The following PSTPIP1 variants were observed in gnomAD, a reference collection of about 807,000 sequenced individuals.
The protein encoded by PSTPIP1 is proline-serine-threonine phosphatase interacting protein 1, also known as proline-serine-threonine phosphatase-interacting protein 1.
Under a neutral mutation model 69.6 loss-of-function variants are expected in PSTPIP1, and 66 were observed. The ratio of observed to expected loss-of-function variants is 0.95; its 90% CI spans 0.78 to 1.16. PSTPIP1 has a LOEUF of 1.16. Among genes scored for constraint, PSTPIP1 ranks in the 50% most tolerant of loss-of-function variants. The probability of loss-of-function intolerance (pLI) is 0.00; values close to 1 mark genes in which losing one functional copy is unlikely to be tolerated. For missense variants in PSTPIP1, 603 were observed against 557.4 expected (o/e 1.08, Z -0.82); for synonymous variants, 266 against 222.7 (o/e 1.19, Z -1.73).
chr15:77,007,905 A>C (rs928582278), intron 1 of PSTPIP1: 1 of 455,954 alleles, frequency 2.2e-6, no homozygotes, highest in Admixed American at 2.4e-5. Flanking sequence ...GCAATAGAAC[A>C]CTTTGAGGAC....
At chr15:77,016,431 A>G (rs2076054449) in intron 1 of PSTPIP1, among the ~76,000 whole-genome samples, 1 of 152,206 alleles carries the variant, frequency 6.6e-6, no homozygotes, top group South Asian at 2.1e-4. Context: ...GCTGCCCACC[A>G]AAACCACAGA....
At chr15:77,028,516 C>T in intron 6 of PSTPIP1, 38 bp from the exon 7 acceptor site, 1 of 1,522,226 alleles carries the variant, frequency 6.6e-7, no homozygotes, top group Non-Finnish European at 8.9e-7. Context: ...CAGAACAGGG[C>T]TGTGCAGCCC....
In PSTPIP1 at chr15:77,027,729, T is replaced by C; in HGVS notation, c.355-123T>C. 1 of 1,147,148 alleles carries C rather than the reference T, an allele frequency of 8.7e-7. No homozygotes were observed. The highest frequency in any genetic ancestry group is 1.3e-6 in the Non-Finnish European group (1 of 784,918). 71.1% of individuals were successfully genotyped at this position (1,147,148 alleles called of 1,614,324 possible). A position where few individuals can be genotyped will look rare whatever the true frequency, so the allele number is the denominator to read the frequency against. On this transcript the variant is annotated intron_variant, in intron 5 of 14. Transcript: ENST00000558012. The surrounding 1 kb of genome is among the most constrained non-coding windows in gnomAD (Gnocchi z 4.3). The stretch of plus-strand genomic sequence containing the variant: ...AGGCTCTGGGGGAGGGAGGGCAGCC[T>C]GTCACCCTCTCTCCAGAGCCAGGAG...
intron 3 of PSTPIP1, among the ~76,000 whole-genome samples, chr15:77,019,805 G>C (rs138217389): frequency 6.6e-6 from 1 of 152,350 alleles, no homozygotes; most frequent in African/African-American, 2.4e-5. Flanking sequence ...AGGAGTGAAT[G>C]GACGTATGCA....
In PSTPIP1 at chr15:77,035,813, A is replaced by C. The variant is rs746898326; in HGVS notation, c.997A>C (p.Thr333Pro). 1.2e-6 allele frequency: 2 copies of C among 1,607,980 alleles called. No homozygotes were observed. Among genetic ancestry groups the C allele is most frequent in the Non-Finnish European group, 1.7e-6 (2 of 1,179,462 alleles). ...SLAASAASTE[T>P]LTPTPERNEG... is the part of the protein sequence containing the mutation. ...CACCCTGCTCTTAGCGTCCACAGAGACCCTGACCCCCACCCCCGAGCGGAA... is the reference window on the plus strand; with the variant it reads ...CACCCTGCTCTTAGCGTCCACAGAGCCCCTGACCCCCACCCCCGAGCGGAA... The change falls in exon 14 of 15, where the codon ACC becomes CCC. Residue 333 changes from threonine (T) to proline (P), a missense_variant. Transcript: ENST00000558012.
At chr15:77,018,661 G>A in intron 3 of PSTPIP1, 130 bp downstream of exon 3, 1 of 994,184 alleles carries the variant, frequency 1.0e-6, no homozygotes, top group Non-Finnish European at 1.4e-6. Context: ...ATTGCTCCTT[G>A]GTGCCTGGTT....
In PSTPIP1 at chr15:76,995,357, C is replaced by T; in HGVS notation, c.-217C>T. ...GCTCCACTCCTTCCTCATTTTGCTG[C>T]TGATTCTAGCCCCAAACAAAACAGG... On this transcript the variant is annotated 5_prime_UTR_variant, in exon 1 of 15. Coordinates refer to ENST00000558012, the MANE Select transcript of PSTPIP1 (RefSeq NM_003978.5). 7.0e-7 allele frequency: 1 copy of T among 1,429,484 alleles called. No individual in the cohort carries two copies. The highest frequency in any genetic ancestry group is 1.5e-5 in the South Asian group (1 of 66,752). The allele number at this position is 1,429,484 out of a possible 1,614,324, so 88.6% of individuals were successfully genotyped here. A position where few individuals can be genotyped will look rare whatever the true frequency, so the allele number is the denominator to read the frequency against.
chr15:77,034,739 C>T (rs930311303), intron 12 of PSTPIP1, among the ~76,000 whole-genome samples: 5 of 152,238 alleles, frequency 3.3e-5, no homozygotes, highest in African/African-American at 1.2e-4. Context: ...CACTAAGAAG[C>T]CCTCTTGCCT....
intron 1 of PSTPIP1, among the ~76,000 whole-genome samples, chr15:76,996,635 T>C (rs2075586759): frequency 6.6e-6 from 1 of 152,212 alleles, no homozygotes; most frequent in South Asian, 2.1e-4. Context: ...CCGGCTCCAC[T>C]TGGGGCCTGT....
rs559079843 is a variant in PSTPIP1, at chr15:77,025,296, C to T, written c.225C>T (p.Ala75=). 4 of 1,611,078 alleles carry T rather than the reference C, an allele frequency of 2.5e-6. No individual in the cohort carries two copies. The South Asian group carries it at 4.4e-5, about 18-fold the overall frequency. ...ATCTGTTTTGCAGCTCCCTGAGGGC[C>T]TCCTTTGACTCCTTGAAGCAGCGTA... ...GGQTEINSLR[A]SFDSLKQQME... The change falls in exon 4 of 15, where the codon GCC becomes GCT. Residue 75 remains alanine (A), a synonymous_variant. Transcript: ENST00000558012.
chr15:77,010,305 G>A (rs566817359), intron 1 of PSTPIP1, among the ~76,000 whole-genome samples: 10 of 152,282 alleles, frequency 6.6e-5, no homozygotes, highest in South Asian at 2.1e-4. Flanking sequence ...CTAACTTGAC[G>A]GGGTTCCCTG....
At chr15:77,018,847 T>G (rs1221486813) in intron 3 of PSTPIP1, among the ~76,000 whole-genome samples, 2 of 152,256 alleles carry the variant, frequency 1.3e-5, no homozygotes, top group East Asian at 3.9e-4. Flanking sequence ...GACAGGCGTC[T>G]CCACTGGTGG....
In PSTPIP1 at chr15:77,027,313, G is replaced by A. The variant is rs995840243; in HGVS notation, c.355-539G>A. On this transcript the variant is annotated intron_variant, in intron 5 of 14. Transcript: ENST00000558012. This position sits in a 1 kb window ranked among gnomAD's most constrained non-coding sequence, Gnocchi z 4.3. ...GGCTTTGGCCCCAGACCTCGGCACAGGGGCCCAGTGGCCACTGTGCCTGCA... is the reference window on the plus strand; with the variant it reads ...GGCTTTGGCCCCAGACCTCGGCACAAGGGCCCAGTGGCCACTGTGCCTGCA... Among the ~76,000 whole-genome samples the A allele has an allele frequency of 6.6e-6, 1 of 152,174 alleles. No homozygotes were observed. The highest frequency in any genetic ancestry group is 2.4e-5 in the African/African-American group (1 of 41,436).
intron 3 of PSTPIP1, 123 bp downstream of exon 3, chr15:77,018,654 G>T (rs1463885563): frequency 1.9e-6 from 2 of 1,033,302 alleles, no homozygotes; most frequent in Non-Finnish European, 2.7e-6. Flanking sequence ...GGTCTGGATT[G>T]CTCCTTGGTG....
At chr15:77,014,317 C>T (rs1385913079) in intron 1 of PSTPIP1, among the ~76,000 whole-genome samples, 1 of 152,150 alleles carries the variant, frequency 6.6e-6, no homozygotes, top group Non-Finnish European at 1.5e-5. Context: ...ACTTGCTTCT[C>T]GGGTCACCTC....
intron 1 of PSTPIP1, among the ~76,000 whole-genome samples, chr15:77,011,039 C>T (rs1055846234): frequency 1.3e-5 from 2 of 152,130 alleles, no homozygotes; most frequent in African/African-American, 4.8e-5. Flanking sequence ...GGGAAGCAGG[C>T]GGGGAACTCA....
intron 2 of PSTPIP1, 68 bp downstream of exon 2, chr15:77,018,316 C>A: frequency 6.5e-7 from 1 of 1,538,128 alleles, no homozygotes; most frequent in Non-Finnish European, 8.8e-7. Context: ...GCTCCTGGGA[C>A]AGTGGACGAG....
chr15:76,997,350 C>T (rs1007839476), intron 1 of PSTPIP1, among the ~76,000 whole-genome samples: 2 of 152,150 alleles, frequency 1.3e-5, no homozygotes, highest in African/African-American at 2.4e-5. Context: ...GAGTCTGGGC[C>T]GATGCCCCGA....
In PSTPIP1 at chr15:77,025,986, C is replaced by G. The variant is rs1451422138; in HGVS notation, c.354+382C>G. On this transcript the variant is annotated intron_variant, in intron 5 of 14. Transcript: ENST00000558012. ...AGTCCAAGGATCAGGGCTGATTGTC[C>G]TGGAAAAAGGCAGACTTGCAGCCAG... 7.1e-6 allele frequency: 3 copies of G among 425,130 alleles called. No individual in the cohort carries two copies. The Admixed American group carries it at 7.5e-5, about 11-fold the overall frequency. 26.3% of individuals were successfully genotyped at this position (425,130 alleles called of 1,614,324 possible).
Sources: gnomAD v4.1 joint callset for allele counts (sites outside exome capture counted in the v4.1 genomes callset) on GRCh38, gnomAD v4.1.1 for gene constraint, Gnocchi (gnomAD v3.1) non-coding constraint, MANE v1.5 for transcripts, NCBI Gene and HGNC (gene_info 2026-07-23, HGNC 2026-07-21) for gene names.